SPMIP7: variants seen among roughly 807,000 people sequenced by gnomAD.
The protein encoded by SPMIP7 is protein SPMIP7.
chr7:50,118,879 G>A, the SPMIP7 span, among the ~76,000 whole-genome samples: 1 of 152,090 alleles, frequency 6.6e-6, no homozygotes, highest in Non-Finnish European at 1.5e-5. Flanking sequence ...GGAAAACATC[G>A]ATTGACTCCT....
At chr7:50,151,168 G>A in the SPMIP7 span, among the ~76,000 whole-genome samples, 2 of 152,160 alleles carry the variant, frequency 1.3e-5, no homozygotes, top group Admixed American at 1.3e-4. Context: ...AGTCATGTTT[G>A]TAAAAGACAT....
At chr7:50,100,001 A>AG in the SPMIP7 span, among the ~76,000 whole-genome samples, 1 of 152,008 alleles carries the variant, frequency 6.6e-6, no homozygotes, top group South Asian at 2.1e-4. Flanking sequence ...AACTTTTTCT[A>AG]GGGGGCTGAG....
At chr7:50,102,866 TGACA>T in the SPMIP7 span, among the ~76,000 whole-genome samples, 1 of 151,494 alleles carries the variant, frequency 6.6e-6, no homozygotes, top group African/African-American at 2.4e-5. Flanking sequence ...TTTATAACTC[TGACA>T]ATAGTCATTA....
chr7:50,128,022 A>G, the SPMIP7 span, among the ~76,000 whole-genome samples: 3 of 152,016 alleles, frequency 2.0e-5, no homozygotes, highest in Admixed American at 6.6e-5. Flanking sequence ...TCCCATGTTT[A>G]TTGCAGCCCT....
the SPMIP7 span, among the ~76,000 whole-genome samples, chr7:50,100,006 G>A: frequency 6.6e-6 from 1 of 151,862 alleles, no homozygotes; most frequent in African/African-American, 2.4e-5. Flanking sequence ...TTTCTAGGGG[G>A]CTGAGAGAGA....
the SPMIP7 span, among the ~76,000 whole-genome samples, chr7:50,148,479 A>G: frequency 2.0e-5 from 3 of 152,216 alleles, no homozygotes; most frequent in African/African-American, 7.2e-5. Flanking sequence ...ATATGACTTT[A>G]GAGGCATTTT....
At chr7:50,124,434 T>C in the SPMIP7 span, among the ~76,000 whole-genome samples, 2 of 152,144 alleles carry the variant, frequency 1.3e-5, no homozygotes, top group South Asian at 4.1e-4. Flanking sequence ...CTAAATATTC[T>C]TTTCAAATGC....
chr7:50,142,809 G>GCCA, the SPMIP7 span: 1 of 152,084 alleles, frequency 6.6e-6, no homozygotes, highest in Admixed American at 6.5e-5. Flanking sequence ...TAGACTTTAT[G>GCCA]CCTTTCTTTT....
At chr7:50,100,504 AT>A in the SPMIP7 span, among the ~76,000 whole-genome samples, 1 of 152,118 alleles carries the variant, frequency 6.6e-6, no homozygotes, top group African/African-American at 2.4e-5. Flanking sequence ...TTCCCCATAA[AT>A]TTTGTTGTTT....
the SPMIP7 span, among the ~76,000 whole-genome samples, chr7:50,145,346 G>A: frequency 4.0e-5 from 6 of 150,846 alleles, no homozygotes; most frequent in East Asian, 5.9e-4. Flanking sequence ...GCAAGGGCTC[G>A]GTGAACAAGT....
chr7:50,110,227 C>T, the SPMIP7 span, among the ~76,000 whole-genome samples: 4 of 151,228 alleles, frequency 2.6e-5, no homozygotes, highest in African/African-American at 7.3e-5. Flanking sequence ...AAAGTAAAGA[C>T]CTAATCAACC....
At chr7:50,133,048 T>A in the SPMIP7 span, among the ~76,000 whole-genome samples, 1 of 152,302 alleles carries the variant, frequency 6.6e-6, no homozygotes, top group Non-Finnish European at 1.5e-5. Flanking sequence ...AGTTTCACAC[T>A]AAGTGTGAAT....
the SPMIP7 span, among the ~76,000 whole-genome samples, chr7:50,130,131 T>G: frequency 6.6e-6 from 1 of 152,162 alleles, no homozygotes; most frequent in African/African-American, 2.4e-5. Flanking sequence ...CTATTACGAA[T>G]CTATGTTTTA....
the SPMIP7 span, among the ~76,000 whole-genome samples, chr7:50,132,466 G>A: frequency 6.6e-5 from 10 of 152,216 alleles, no homozygotes; most frequent in African/African-American, 2.2e-4. Context: ...ATATGACAAA[G>A]TATCAAATCA....
the SPMIP7 span, among the ~76,000 whole-genome samples, chr7:50,110,404 A>G: frequency 6.8e-6 from 1 of 147,830 alleles, no homozygotes; most frequent in African/African-American, 2.5e-5. Context: ...CATATTTAAC[A>G]TATAATATAT....
chr7:50,098,782 G>A, the SPMIP7 span, among the ~76,000 whole-genome samples: 7 of 152,082 alleles, frequency 4.6e-5, no homozygotes, highest in Admixed American at 2.0e-4. Context: ...ATTACCTCCC[G>A]AAGTCTTCAC....
chr7:50,154,424 T>G, the SPMIP7 span, among the ~76,000 whole-genome samples: 1 of 152,212 alleles, frequency 6.6e-6, no homozygotes, highest in South Asian at 2.1e-4. Context: ...TCATAACCAC[T>G]GTTCTATTCA....
the SPMIP7 span, chr7:50,104,479 AGTTT>A: frequency 2.2e-6 from 1 of 452,988 alleles, no homozygotes; most frequent in East Asian, 5.6e-5. Context: ...ATATATAATT[AGTTT>A]ATTTTATTGT....
the SPMIP7 span, among the ~76,000 whole-genome samples, chr7:50,145,608 ATATGTGTG>A: frequency 0.069 from 2,053 of 29,738 alleles, 220 homozygotes; most frequent in Non-Finnish European, 0.1. Context: ...GTGTGTGTGT[ATATGTGTG>A]TGTATATATA....
Sources: gnomAD v4.1 joint callset for allele counts (sites outside exome capture counted in the v4.1 genomes callset) on GRCh38, gnomAD v4.1.1 for gene constraint, MANE v1.5 for transcripts, NCBI Gene and HGNC (gene_info 2026-07-23, HGNC 2026-07-21) for gene names.